SORL1: variants seen among roughly 807,000 people sequenced by gnomAD.
SORL1 encodes the protein sortilin-related receptor.
Under a neutral mutation model 273.7 loss-of-function variants are expected in SORL1, and 127 were observed. The ratio of observed to expected loss-of-function variants is 0.46; its 90% CI spans 0.40 to 0.54. The LOEUF (loss-of-function observed/expected upper bound fraction) is 0.54, where lower values mean the gene tolerates loss of function less well. SORL1 is among the 20% of genes least tolerant of loss of function. The pLI, the probability that SORL1 is intolerant of heterozygous loss-of-function variation, is 0.00. For synonymous variants in SORL1, 1,031 were observed against 1,067.4 expected (o/e 0.97, Z 0.66); for missense variants, 2,494 against 2,846.1 (o/e 0.88, Z 2.81).
At position 121,470,097 on chromosome 11, in the gene SORL1, G is replaced by A; in HGVS notation, c.376G>A (p.Ala126Thr). ...CGTGGCCTTGGCCCGAGATAGCCTG[G>A]CATTGGCGAGGCCCAAGAGCAGTGA... Reference protein sequence around the residue: ...VIVALARDSLALARPKSSDVY... With the variant: ...VIVALARDSLTLARPKSSDVY... Residue 126 changes from alanine (A) to threonine (T), a missense_variant, in exon 2 of 48, where the codon GCA becomes ACA. By Grantham distance (58) the Ala-to-Thr change is moderately conservative. Transcript: ENST00000260197. The A allele has an allele frequency of 6.2e-7, 1 of 1,613,936 alleles. No individual in the cohort carries two copies. The highest frequency in any genetic ancestry group is 8.5e-7 in the Non-Finnish European group (1 of 1,179,826).
chr11:121,584,039 G>C (rs1863055364), intron 26 of SORL1, among the ~76,000 whole-genome samples: 1 of 152,182 alleles, frequency 6.6e-6, no homozygotes, highest in Non-Finnish European at 1.5e-5. Context: ...CCATAACCTA[G>C]TTTACATGGT....
chr11:121,569,878 G>A (rs866138715), intron 22 of SORL1, among the ~76,000 whole-genome samples: 3 of 152,120 alleles, frequency 2.0e-5, no homozygotes, highest in Non-Finnish European at 4.4e-5. Flanking sequence ...GGCTCAGGGG[G>A]CATCACGGAA....
intron 12 of SORL1, among the ~76,000 whole-genome samples, chr11:121,537,854 AC>A (rs1862288587): frequency 6.6e-6 from 1 of 152,190 alleles, no homozygotes; most frequent in African/African-American, 2.4e-5. Context: ...CTGGAGATGC[AC>A]AGTAGATACT....
Position 121,570,254 on chromosome 11 carries a change from C to A in SORL1, c.3321C>A (p.Ser1107Arg). 1 of 1,612,214 alleles carries A rather than the reference C, an allele frequency of 6.2e-7. No homozygotes were observed. The highest frequency in any genetic ancestry group is 8.5e-7 in the Non-Finnish European group (1 of 1,178,432). The change falls in exon 23 of 48, where the codon AGC becomes AGA. Residue 1107 changes from serine (S) to arginine (R), a missense_variant. This residue lies in a region of SORL1 where 1,609 missense variants were observed against 1,816.4 expected (regional missense o/e 0.89). Coordinates refer to ENST00000260197, the MANE Select transcript of SORL1 (RefSeq NM_003105.6). ...CDFDNDCGDM[S>R]DERNCPTTIC... ...TTGACAACGACTGTGGAGACATGAGCGATGAGAGAAACTGCCGTGAGTCTT... is the reference window on the plus strand; with the variant it reads ...TTGACAACGACTGTGGAGACATGAGAGATGAGAGAAACTGCCGTGAGTCTT...
chr11:121,466,888 G>C (rs903385934), intron 1 of SORL1, among the ~76,000 whole-genome samples: 1 of 151,992 alleles, frequency 6.6e-6, no homozygotes, highest in Non-Finnish European at 1.5e-5. Flanking sequence ...CCCCTACTGG[G>C]CTGCCCCTTT....
At chr11:121,578,173 T>C (rs1204036112) in intron 25 of SORL1, among the ~76,000 whole-genome samples, 2 of 152,228 alleles carry the variant, frequency 1.3e-5, no homozygotes, top group East Asian at 1.9e-4. Flanking sequence ...GAAGCTGTTA[T>C]TCAGTTCTGT....
intron 5 of SORL1, among the ~76,000 whole-genome samples, chr11:121,493,535 G>A (rs1861587458): frequency 6.6e-6 from 1 of 152,188 alleles, no homozygotes; most frequent in Non-Finnish European, 1.5e-5. Flanking sequence ...GAGATTACAG[G>A]TGTGAGCCAC....
Position 121,574,229 on chromosome 11 carries a change from A to AT in SORL1, c.3338-11dup. ...TACCTAAGGAATATGTTGTCTTTCT[A>AT]TCCCATTTTAGCTACCACCATCTGT... On this transcript the variant is annotated splice_polypyrimidine_tract_variant and intron_variant, in intron 23 of 47. Coordinates refer to ENST00000260197, the MANE Select transcript of SORL1 (RefSeq NM_003105.6). 6.2e-7 allele frequency: 1 copy of AT among 1,613,422 alleles called. No homozygotes were observed. The highest frequency in any genetic ancestry group is 1.1e-5 in the South Asian group (1 of 91,064).
Position 121,627,459 on chromosome 11 carries a change from C to G in SORL1, c.6365-96C>G. Reference sequence around the variant, plus strand: ...AGGCAGTTTGTGTAGCTGTGGCTATCGCCCAGCTTTTTTTGGTGGGTGGGG... The same window carrying G: ...AGGCAGTTTGTGTAGCTGTGGCTATGGCCCAGCTTTTTTTGGTGGGTGGGG... On this transcript the variant is annotated intron_variant, in intron 46 of 47. Coordinates refer to ENST00000260197, the MANE Select transcript of SORL1 (RefSeq NM_003105.6). This position sits in a 1 kb window ranked among gnomAD's most constrained non-coding sequence, Gnocchi z 4.9. 2.1e-6 allele frequency: 2 copies of G among 955,946 alleles called. No homozygotes were observed. 59.2% of individuals were successfully genotyped at this position (955,946 alleles called of 1,614,324 possible). A position where few individuals can be genotyped will look rare whatever the true frequency, so the allele number is the denominator to read the frequency against.
At chr11:121,532,360 G>A (rs942295591) in intron 11 of SORL1, 104 bp from the exon 12 acceptor site, 8 of 961,290 alleles carry the variant, frequency 8.3e-6, no homozygotes, top group Non-Finnish European at 4.8e-6. Context: ...TGTCATTGCT[G>A]TTATGTCTAT....
chr11:121,532,264 C>T (rs1484814273), intron 11 of SORL1, among the ~76,000 whole-genome samples, 200 bp from the exon 12 acceptor site: 1 of 152,252 alleles, frequency 6.6e-6, no homozygotes, highest in Non-Finnish European at 1.5e-5. Flanking sequence ...CTAGAACTTG[C>T]TCCACCTGTC....
chr11:121,505,610 A>G (rs565230209), intron 6 of SORL1, among the ~76,000 whole-genome samples: 1 of 152,086 alleles, frequency 6.6e-6, no homozygotes, highest in Non-Finnish European at 1.5e-5. Context: ...TCCTCTAATC[A>G]CTGCTTTAGC....
chr11:121,586,410 A>G, intron 27 of SORL1, 81 bp downstream of exon 27: 1 of 1,054,478 alleles, frequency 9.5e-7, no homozygotes. Context: ...AAATCCTTTC[A>G]TTTCCTCAGT....
rs910796956 is a variant in SORL1 at position 121,476,353 on chromosome 11, A to G, written c.403-1765A>G. On this transcript the variant is annotated intron_variant, in intron 2 of 47. Coordinates refer to ENST00000260197, the MANE Select transcript of SORL1 (RefSeq NM_003105.6). ...CTGTGTATCTGGTAGTTGGGAACAC[A>G]TACTGTGTGTTCCAATAGCTTCTTC... is the stretch of plus-strand genomic sequence containing the variant. 7.9e-5 allele frequency among the ~76,000 whole-genome samples: 12 copies of G among 152,302 alleles called. No individual in the cohort carries two copies. In the South Asian group the frequency reaches 2.5e-3, roughly 32 times the overall value.
intron 3 of SORL1, among the ~76,000 whole-genome samples, chr11:121,486,425 G>C (rs1003740254): frequency 1.3e-4 from 20 of 151,964 alleles, no homozygotes; most frequent in Admixed American, 1.1e-3. Context: ...GATGGCTTGA[G>C]CTCAGGAGTT....
At chr11:121,504,937 G>A (rs1861765137) in intron 6 of SORL1, among the ~76,000 whole-genome samples, 1 of 152,044 alleles carries the variant, frequency 6.6e-6, no homozygotes, top group Non-Finnish European at 1.5e-5. Context: ...TTCTGTGTCA[G>A]TTGCAATGAT....
chr11:121,622,148 T>A lies in SORL1; in HGVS notation c.6065-14T>A. On this transcript the variant is annotated splice_polypyrimidine_tract_variant and intron_variant, in intron 44 of 47. Transcript: ENST00000260197. ...TATCCACTAACCGCATCCCATCTCA[T>A]CTTTAATTTTCAGTTTCATTATCAG... 1 of 1,425,440 alleles carries A rather than the reference T, an allele frequency of 7.0e-7. No homozygotes were observed. Among genetic ancestry groups the A allele is most frequent in the South Asian group, 1.1e-5 (1 of 87,114 alleles). The allele number at this position is 1,425,440 out of a possible 1,614,324, so 88.3% of individuals were successfully genotyped here.
chr11:121,470,506 G>A (rs926065734), intron 2 of SORL1, among the ~76,000 whole-genome samples: 3 of 152,214 alleles, frequency 2.0e-5, no homozygotes, highest in Non-Finnish European at 4.4e-5. Context: ...GGGATGAGCT[G>A]TTGAAACTGA....
chr11:121,607,320 A>G (rs1412862289), intron 37 of SORL1, 30 bp downstream of exon 37: 1 of 1,308,914 alleles, frequency 7.6e-7, no homozygotes, highest in Non-Finnish European at 1.1e-6. Context: ...CCAGCCATCC[A>G]TGCAGTCTTA....
Sources: gnomAD v4.1 joint callset for allele counts (sites outside exome capture counted in the v4.1 genomes callset) on GRCh38, gnomAD v4.1.1 for gene constraint, gnomAD v4.1.1 regional missense constraint, Gnocchi (gnomAD v3.1) non-coding constraint, MANE v1.5 for transcripts, NCBI Gene and HGNC (gene_info 2026-07-23, HGNC 2026-07-21) for gene names.